Variants in DAB1 observed in about 807,000 individuals in gnomAD.
DAB1 encodes disabled homolog 1.
In DAB1, 15 loss-of-function variants were observed where a neutral mutation model predicts 64.6. That is an observed-to-expected ratio of 0.23 (90% CI 0.16 to 0.36). DAB1 has a LOEUF of 0.36. DAB1 is among the 10% of genes least tolerant of loss of function. The pLI is 1.00. For synonymous variants in DAB1, 235 were observed against 251.9 expected, an observed-to-expected ratio of 0.93 and a Z score of 0.64; for missense variants, 596 against 706.7, an observed-to-expected ratio of 0.84 and a Z score of 1.78.
intron 3 of DAB1, among the ~76,000 whole-genome samples, chr1:57,144,952 G>A (rs1658970712): frequency 6.6e-6 from 1 of 152,068 alleles, no homozygotes. Flanking sequence ...AAAATAACAA[G>A]ATGGCAAAAT....
At chr1:58,483,165 C>T (rs1365154363) in intron 3 of DAB1, among the ~76,000 whole-genome samples, 3 of 152,122 alleles carry the variant, frequency 2.0e-5, no homozygotes, top group South Asian at 2.1e-4. Flanking sequence ...CTGCCATCTG[C>T]CCCCTCTCCC....
At chr1:58,168,466 G>A (rs570498519) in intron 4 of DAB1, among the ~76,000 whole-genome samples, 27 of 152,160 alleles carry the variant, frequency 1.8e-4, no homozygotes, top group African/African-American at 6.5e-4. Flanking sequence ...TCTCTTCTCT[G>A]AGGCTAGTCC....
At chr1:57,175,581 A>T (rs983961266) in intron 2 of DAB1, among the ~76,000 whole-genome samples, 2 of 152,206 alleles carry the variant, frequency 1.3e-5, no homozygotes, top group African/African-American at 4.8e-5. Flanking sequence ...CAACTATAGG[A>T]TGTAGCTCCT....
At chr1:57,655,941 G>A (rs1339483004) in intron 6 of DAB1, among the ~76,000 whole-genome samples, 1 of 152,136 alleles carries the variant, frequency 6.6e-6, no homozygotes, top group Non-Finnish European at 1.5e-5. Context: ...TGGTCTGAAT[G>A]TTTGTGACTC....
At chr1:57,712,109 G>C (rs1235532331) in intron 6 of DAB1, among the ~76,000 whole-genome samples, 1 of 151,924 alleles carries the variant, frequency 6.6e-6, no homozygotes, top group Non-Finnish European at 1.5e-5. Context: ...TACTGTTTTA[G>C]TCAAGTACTA....
At chr1:57,736,566 T>A (rs1322023440) in intron 6 of DAB1, among the ~76,000 whole-genome samples, 1 of 152,210 alleles carries the variant, frequency 6.6e-6, no homozygotes, top group Non-Finnish European at 1.5e-5. Context: ...ATCAGTTTTG[T>A]GAACTGTAAA....
At chr1:58,438,437 G>A (rs1254279845) in intron 3 of DAB1, among the ~76,000 whole-genome samples, 1 of 152,192 alleles carries the variant, frequency 6.6e-6, no homozygotes, top group Non-Finnish European at 1.5e-5. Flanking sequence ...AGGGTTCCGG[G>A]CAGTTGTGCA....
chr1:57,469,379 G>A (rs528046971), intron 7 of DAB1, among the ~76,000 whole-genome samples: 13 of 152,174 alleles, frequency 8.5e-5, no homozygotes, highest in African/African-American at 3.1e-4. Flanking sequence ...GACCAGCAGG[G>A]GCATCAACAA....
chr1:57,139,662 A>G (rs776843230), intron 3 of DAB1, among the ~76,000 whole-genome samples: 2 of 152,142 alleles, frequency 1.3e-5, no homozygotes, highest in African/African-American at 2.4e-5. Flanking sequence ...CTCCATTTCC[A>G]AAACAGTCCT....
At chr1:57,988,856 A>G (rs1175627033) in intron 5 of DAB1, among the ~76,000 whole-genome samples, 1 of 152,164 alleles carries the variant, frequency 6.6e-6, no homozygotes, top group Non-Finnish European at 1.5e-5. Context: ...GGCATTCCCA[A>G]TGTTGGCTTT....
intron 5 of DAB1, among the ~76,000 whole-genome samples, chr1:58,034,808 C>T (rs984842379): frequency 6.6e-6 from 1 of 152,108 alleles, no homozygotes; most frequent in Non-Finnish European, 1.5e-5. Flanking sequence ...TACCCTCTTC[C>T]CCCTTCTAAA....
chr1:57,864,769 A>C (rs1345691854), intron 1 of DAB1: 1 of 151,138 alleles, frequency 6.6e-6, no homozygotes, highest in Admixed American at 6.6e-5. Flanking sequence ...CTGGTATTGA[A>C]CTCCTGCGCT....
intron 5 of DAB1, among the ~76,000 whole-genome samples, chr1:58,117,170 C>A (rs146553973): frequency 6.6e-6 from 1 of 152,116 alleles, no homozygotes; most frequent in Non-Finnish European, 1.5e-5. Flanking sequence ...TAATGCACAC[C>A]GGATATTTCT....
intron 7 of DAB1, among the ~76,000 whole-genome samples, chr1:57,500,241 C>A (rs1341758656): frequency 6.6e-6 from 1 of 152,218 alleles, no homozygotes; most frequent in East Asian, 1.9e-4. Context: ...ATAAAGCAGA[C>A]TAGATCGTTT....
intron 2 of DAB1, among the ~76,000 whole-genome samples, chr1:57,216,489 C>A (rs1255798065): frequency 6.6e-6 from 1 of 152,076 alleles, no homozygotes; most frequent in Non-Finnish European, 1.5e-5. Flanking sequence ...TTCAAACATT[C>A]CCTTTAGTTT....
At chr1:57,657,998 CCT>C (rs1646338354) in intron 6 of DAB1, among the ~76,000 whole-genome samples, 1 of 152,094 alleles carries the variant, frequency 6.6e-6, no homozygotes, top group Non-Finnish European at 1.5e-5. Flanking sequence ...TTACTGAGCC[CCT>C]CTTATATTCC....
chr1:58,053,198 C>T (rs966326263), intron 5 of DAB1, among the ~76,000 whole-genome samples: 7 of 152,204 alleles, frequency 4.6e-5, no homozygotes, highest in Admixed American at 2.6e-4. Context: ...AACAAAACCC[C>T]ACTCTTGGTA....
chr1:57,675,329 C>T (rs1558599494), intron 6 of DAB1, among the ~76,000 whole-genome samples: 1 of 152,148 alleles, frequency 6.6e-6, no homozygotes, highest in Admixed American at 6.6e-5. Flanking sequence ...AGGTGGACAA[C>T]GTAACACAAG....
intron 4 of DAB1, among the ~76,000 whole-genome samples, chr1:58,204,441 T>G (rs1658153239): frequency 6.6e-6 from 1 of 152,128 alleles, no homozygotes; most frequent in South Asian, 2.1e-4. Flanking sequence ...GGCACAAAAA[T>G]TTTAATCCAA....
Sources: allele counts gnomAD v4.1 joint callset (sites outside exome capture counted in the v4.1 genomes callset), GRCh38; gene constraint gnomAD v4.1.1; transcripts MANE v1.5; gene names NCBI Gene and HGNC (gene_info 2026-07-23, HGNC 2026-07-21).